FER1L6: variants seen among roughly 807,000 people sequenced by gnomAD.
The protein encoded by FER1L6 is fer-1 like family member 6.
In FER1L6, 177 loss-of-function variants were observed where a neutral mutation model predicts 219.2. The ratio of observed to expected loss-of-function variants is 0.81; its 90% confidence interval spans 0.71 to 0.91. The LOEUF (loss-of-function observed/expected upper bound fraction) is 0.91, where lower values mean the gene tolerates loss of function less well. Among genes scored for constraint, FER1L6 ranks in the 40% least tolerant of loss-of-function variants. The probability of loss-of-function intolerance (pLI) is 0.00; values close to 1 mark genes in which losing one functional copy is unlikely to be tolerated. For synonymous variants in FER1L6, 768 were observed against 824.3 expected (o/e 0.93, Z 1.17); for missense variants, 2,153 against 2,259.9 (o/e 0.95, Z 0.96).
intron 2 of FER1L6, among the ~76,000 whole-genome samples, chr8:123,960,600 T>C (rs1815227571): frequency 6.6e-6 from 1 of 152,172 alleles, no homozygotes; most frequent in African/African-American, 2.4e-5. Flanking sequence ...GGCCAAATGC[T>C]GGAAATCAGT....
chr8:123,914,452 G>A (rs4870876), intron 1 of FER1L6, among the ~76,000 whole-genome samples: 50,122 of 151,952 alleles, frequency 0.33, 8,770 homozygotes, highest in East Asian at 0.45. Context: ...AGTTTGCTTC[G>A]CACTTTTGAT....
intron 13 of FER1L6, among the ~76,000 whole-genome samples, chr8:124,003,560 C>T (rs186714542): frequency 5.6e-5 from 8 of 143,606 alleles, no homozygotes; most frequent in Admixed American, 2.9e-4. Flanking sequence ...ACCTCTGCCT[C>T]GTGGGTTCAA....
rs77035114 is a variant in FER1L6 at position 124,108,575 on chromosome 8, C to T, written c.5289+5266C>T. 2.5e-3 allele frequency among the ~76,000 whole-genome samples: 386 copies of T among 152,198 alleles called. 2 individuals are homozygous for T. The highest frequency in any genetic ancestry group is 9.0e-3 in the African/African-American group (373 of 41,516). On this transcript the variant is annotated intron_variant, in intron 39 of 40. Transcript: ENST00000522917. ...TAACATCTAATCCTTAGGGGTTACA[C>T]TTTTGGTAAATGTAAGAAAAAAGAT...
intron 28 of FER1L6, among the ~76,000 whole-genome samples, chr8:124,068,221 A>C (rs1203014835): frequency 6.6e-6 from 1 of 152,162 alleles, no homozygotes; most frequent in African/African-American, 2.4e-5. Flanking sequence ...CCACAAACTC[A>C]ATTCAAGCCA....
chr8:124,071,268 T>A (rs1376452003), intron 30 of FER1L6, among the ~76,000 whole-genome samples: 1 of 152,220 alleles, frequency 6.6e-6, no homozygotes, highest in African/African-American at 2.4e-5. Flanking sequence ...GTTCTTCATA[T>A]AACAGTCCTG....
intron 32 of FER1L6, among the ~76,000 whole-genome samples, chr8:124,081,828 C>T (rs10087218): frequency 0.035 from 5,294 of 152,170 alleles, 296 homozygotes; most frequent in African/African-American, 0.12. Flanking sequence ...AAGTAAAATA[C>T]GTGTTTTATA....
intron 1 of FER1L6, among the ~76,000 whole-genome samples, chr8:123,941,559 C>T (rs1374263525): frequency 6.6e-5 from 10 of 152,126 alleles, no homozygotes; most frequent in Admixed American, 6.6e-4. Context: ...TGTGCTGTGC[C>T]ATCAATAATC....
chr8:123,882,543 T>G (rs1010121357), intron 1 of FER1L6, among the ~76,000 whole-genome samples: 1 of 152,190 alleles, frequency 6.6e-6, no homozygotes, highest in Non-Finnish European at 1.5e-5. Context: ...ACACAGCCGT[T>G]GATCAGGATA....
At chr8:124,101,756 T>C (rs563170699) in intron 38 of FER1L6, among the ~76,000 whole-genome samples, 7 of 152,210 alleles carry the variant, frequency 4.6e-5, no homozygotes, top group Non-Finnish European at 8.8e-5. Flanking sequence ...CAAGTCTCAA[T>C]TTAGAAGTTT....
chr8:123,855,720 CACACACAT>C (rs1816624050), intron 1 of FER1L6, among the ~76,000 whole-genome samples: 1 of 147,526 alleles, frequency 6.8e-6, no homozygotes, highest in South Asian at 2.1e-4. Context: ...CACACACACA[CACACACAT>C]ATACGTAATA....
In FER1L6 at chr8:124,076,240, C is replaced by CAAG; in HGVS notation, c.4135_4136insAAG (p.Pro1379delinsGlnAla). ...AGCTGATCCAGATGGCAAATCAGAT[C>CAAG]CCTACATTGTGATCAAGCTTGGCAA... On this transcript the variant is annotated protein_altering_variant, in exon 32 of 41. Coordinates refer to ENST00000522917, the MANE Select transcript of FER1L6 (RefSeq NM_001039112.2). 6.2e-7 allele frequency: 1 copy of CAAG among 1,614,072 alleles called. No individual in the cohort carries two copies.
chr8:124,044,495 C>T (rs920994593), intron 20 of FER1L6, among the ~76,000 whole-genome samples: 1 of 152,156 alleles, frequency 6.6e-6, no homozygotes, highest in Non-Finnish European at 1.5e-5. Flanking sequence ...CTAGAAATGA[C>T]TCGATGTAAA....
Position 123,877,082 on chromosome 8 carries a change from T to C in FER1L6, c.-8+24897T>C, listed in dbSNP as rs373028273. 3.3e-5 allele frequency among the ~76,000 whole-genome samples: 5 copies of C among 152,372 alleles called. No individual in the cohort carries two copies. In the East Asian group the frequency reaches 5.8e-4, roughly 18 times the overall value. On this transcript the variant is annotated intron_variant, in intron 1 of 40. Coordinates refer to ENST00000522917, the MANE Select transcript of FER1L6 (RefSeq NM_001039112.2). ...CACTGGTCTGCAACTTCTGTAGGCA[T>C]GGACTGGGTCTTCCTCCTCCTACTG...
At chr8:123,956,223 G>A (rs1233339895) in intron 2 of FER1L6, 149 bp downstream of exon 2, 1 of 748,488 alleles carries the variant, frequency 1.3e-6, no homozygotes, top group South Asian at 1.8e-5. Context: ...CTAGTCACAG[G>A]TGTGGGCCCA....
chr8:123,997,076 C>A (rs535704804), intron 12 of FER1L6, among the ~76,000 whole-genome samples: 4 of 152,052 alleles, frequency 2.6e-5, no homozygotes, highest in Non-Finnish European at 4.4e-5. Flanking sequence ...TTCTATGTTT[C>A]TTTGTGTACT....
intron 22 of FER1L6, among the ~76,000 whole-genome samples, chr8:124,053,351 G>A (rs910799493): frequency 1.3e-5 from 2 of 152,194 alleles, no homozygotes; most frequent in South Asian, 2.1e-4. Context: ...CCTGACAGCC[G>A]ACTTAATAAA....
At chr8:123,931,188 G>A (rs1481355918) in intron 1 of FER1L6, among the ~76,000 whole-genome samples, 1 of 152,150 alleles carries the variant, frequency 6.6e-6, no homozygotes, top group African/African-American at 2.4e-5. Context: ...TATGTTAATG[G>A]GAAGTTGTAA....
chr8:124,016,904 CAA>C (rs1410818795), intron 15 of FER1L6, among the ~76,000 whole-genome samples: 4 of 151,988 alleles, frequency 2.6e-5, no homozygotes, highest in African/African-American at 9.7e-5. Context: ...AATTTTGAAT[CAA>C]ATTTAAATTT....
intron 1 of FER1L6, among the ~76,000 whole-genome samples, chr8:123,918,792 G>A (rs910264278): frequency 1.3e-5 from 2 of 152,168 alleles, no homozygotes; most frequent in African/African-American, 2.4e-5. Flanking sequence ...TAGCCTGGAC[G>A]GCATCAGATA....
Sources: gnomAD v4.1 joint callset for allele counts (sites outside exome capture counted in the v4.1 genomes callset) on GRCh38, gnomAD v4.1.1 for gene constraint, MANE v1.5 for transcripts, NCBI Gene and HGNC (gene_info 2026-07-23, HGNC 2026-07-21) for gene names.